Variants in TENM2 observed in about 807,000 individuals in gnomAD.
TENM2 encodes the protein teneurin-2.
In TENM2, 52 loss-of-function variants were observed where a neutral mutation model predicts 245.2. That is an observed-to-expected ratio of 0.21 (90% CI 0.17 to 0.27). The LOEUF (loss-of-function observed/expected upper bound fraction) is 0.27. Ranked by LOEUF, TENM2 falls within the 10% of genes least tolerant of loss-of-function variation. TENM2 has a pLI of 1.00. For synonymous variants in TENM2, 1,363 were observed against 1,438.9 expected, an observed-to-expected ratio of 0.95 and a Z score of 1.19; for missense variants, 3,046 against 3,666.8, an observed-to-expected ratio of 0.83 and a Z score of 4.37.
the TENM2 span, among the ~76,000 whole-genome samples, chr5:167,271,455 G>A: frequency 6.6e-6 from 1 of 151,796 alleles, no homozygotes; most frequent in Non-Finnish European, 1.5e-5. Flanking sequence ...TGGAGAGGGG[G>A]AAAAAAGGCA....
At chr5:167,662,160 A>G (rs751359639) in intron 2 of TENM2, among the ~76,000 whole-genome samples, 1 of 152,118 alleles carries the variant, frequency 6.6e-6, no homozygotes, top group Non-Finnish European at 1.5e-5. Flanking sequence ...ACAGGTGCCC[A>G]TTGTATTTAT....
chr5:167,522,165 A>T (rs1216013124), intron 2 of TENM2, among the ~76,000 whole-genome samples: 1 of 152,126 alleles, frequency 6.6e-6, no homozygotes, highest in African/African-American at 2.4e-5. Flanking sequence ...TCATGACAAG[A>T]CCTTTTTATA....
At chr5:167,525,664 G>A (rs946476308) in intron 2 of TENM2, among the ~76,000 whole-genome samples, 57 of 152,072 alleles carry the variant, frequency 3.7e-4, no homozygotes, top group Non-Finnish European at 5.3e-4. Context: ...CCATTTCTAT[G>A]TGTTCCTGTG....
At chr5:167,371,196 A>C (rs1044762849) in intron 1 of TENM2, among the ~76,000 whole-genome samples, 1 of 152,084 alleles carries the variant, frequency 6.6e-6, no homozygotes, top group Admixed American at 6.6e-5. Context: ...GTAAATCCCC[A>C]GTCCTTTGGA....
intron 2 of TENM2, among the ~76,000 whole-genome samples, chr5:167,825,549 T>C (rs1049506187): frequency 3.9e-5 from 6 of 152,184 alleles, no homozygotes; most frequent in African/African-American, 1.4e-4. Context: ...ACCATTTGAC[T>C]GGCATTGTCA....
At chr5:167,359,490 G>A (rs775262097) in intron 1 of TENM2, among the ~76,000 whole-genome samples, 12 of 151,594 alleles carry the variant, frequency 7.9e-5, no homozygotes, top group Non-Finnish European at 1.6e-4. Flanking sequence ...TTCATGAATG[G>A]CCTTGCACTC....
chr5:167,551,004 C>T (rs1353794264), intron 2 of TENM2, among the ~76,000 whole-genome samples: 1 of 152,116 alleles, frequency 6.6e-6, no homozygotes, highest in Non-Finnish European at 1.5e-5. Flanking sequence ...GCTGGGATTA[C>T]AGGCGTGAGC....
At chr5:167,892,538 C>T (rs1357585996) in intron 3 of TENM2, among the ~76,000 whole-genome samples, 1 of 152,184 alleles carries the variant, frequency 6.6e-6, no homozygotes, top group East Asian at 1.9e-4. Flanking sequence ...AATGGCATGG[C>T]ATATGCCATC....
chr5:167,411,389 T>C (rs1762897639), intron 2 of TENM2, among the ~76,000 whole-genome samples: 2 of 152,094 alleles, frequency 1.3e-5, no homozygotes, highest in African/African-American at 4.8e-5. Flanking sequence ...TCCACTTTAA[T>C]TGTGAAGCAT....
chr5:167,031,656 C>T, the TENM2 span, among the ~76,000 whole-genome samples: 1 of 152,274 alleles, frequency 6.6e-6, no homozygotes, highest in African/African-American at 2.4e-5. Context: ...TCCCCGCCTC[C>T]TGGGTTCAAG....
intron 23 of TENM2, among the ~76,000 whole-genome samples, chr5:168,223,740 A>G (rs1763885612): frequency 6.6e-6 from 1 of 152,102 alleles, no homozygotes; most frequent in East Asian, 1.9e-4. Flanking sequence ...GCTGGGATTG[A>G]TTACGGGCAC....
intron 2 of TENM2, among the ~76,000 whole-genome samples, chr5:167,665,472 G>T: frequency 6.6e-6 from 1 of 152,086 alleles, no homozygotes; most frequent in East Asian, 1.9e-4. Context: ...TACTGTGAAA[G>T]AATTTTAAAT....
intron 2 of TENM2, among the ~76,000 whole-genome samples, chr5:167,472,984 T>C (rs563971764): frequency 4.6e-5 from 7 of 151,998 alleles, no homozygotes; most frequent in Non-Finnish European, 8.8e-5. Flanking sequence ...ATAAACAAAT[T>C]GGGGTGGGAA....
At chr5:167,118,045 T>C in the TENM2 span, among the ~76,000 whole-genome samples, 3 of 152,350 alleles carry the variant, frequency 2.0e-5, no homozygotes, top group African/African-American at 7.2e-5. Context: ...ATTACTTCTC[T>C]GATTTTAAAA....
At chr5:167,258,199 A>ATATATATATATATGTATATATATATGTG in the TENM2 span, among the ~76,000 whole-genome samples, 1 of 85,488 alleles carries the variant, frequency 1.2e-5, no homozygotes, top group African/African-American at 6.6e-5. Context: ...ATGTGTTGCC[A>ATATATATATATATGTATATATATATGTG]TATATATATA....
At chr5:167,467,199 C>A (rs1212406249) in intron 2 of TENM2, among the ~76,000 whole-genome samples, 1 of 152,046 alleles carries the variant, frequency 6.6e-6, no homozygotes, top group Non-Finnish European at 1.5e-5. Flanking sequence ...ATGCTGTTCT[C>A]GCGATAGTGA....
the TENM2 span, among the ~76,000 whole-genome samples, chr5:167,133,618 G>GAAAA: frequency 1.4e-4 from 19 of 139,058 alleles, no homozygotes; most frequent in African/African-American, 3.7e-4. Context: ...CTCAAACTTG[G>GAAAA]AAAAAAAAAA....
intron 2 of TENM2, among the ~76,000 whole-genome samples, chr5:167,550,317 T>G (rs1352425346): frequency 1.3e-5 from 2 of 152,164 alleles, no homozygotes; most frequent in East Asian, 3.9e-4. Context: ...TAGATGTTAT[T>G]ATGGTGCTGG....
chr5:167,555,896 A>G (rs1033059922), intron 2 of TENM2, among the ~76,000 whole-genome samples: 9 of 152,160 alleles, frequency 5.9e-5, no homozygotes, highest in Non-Finnish European at 8.8e-5. Flanking sequence ...CTTCAACGAC[A>G]TGATTGCAAA....
Sources: allele counts gnomAD v4.1 joint callset (sites outside exome capture counted in the v4.1 genomes callset), GRCh38; gene constraint gnomAD v4.1.1; transcripts MANE v1.5; gene names NCBI Gene and HGNC (gene_info 2026-07-23, HGNC 2026-07-21).